The following USP6NL variants were observed in gnomAD, a reference collection of about 807,000 sequenced individuals.
USP6NL encodes the protein USP6 N-terminal-like protein.
USP6NL carries 26 observed loss-of-function variants against 61.9 expected under a neutral mutation model. The ratio of observed to expected loss-of-function variants is 0.42; its 90% CI spans 0.31 to 0.58. The LOEUF (loss-of-function observed/expected upper bound fraction) is 0.58, where lower values mean the gene tolerates loss of function less well. USP6NL is among the 20% of genes least tolerant of loss of function. The pLI is 0.16. For synonymous variants in USP6NL, 432 were observed against 390.1 expected (o/e 1.11, Z -1.27); for missense variants, 1,114 against 1,034.3 (o/e 1.08, Z -1.06).
At chr10:11,601,996 A>G (rs927406303) in intron 1 of USP6NL, among the ~76,000 whole-genome samples, 3 of 152,220 alleles carry the variant, frequency 2.0e-5, no homozygotes, top group South Asian at 4.1e-4. Context: ...AAAGAAAGAA[A>G]AAAAAAGAAG....
In USP6NL at chr10:11,596,907, A is replaced by G. The variant is rs982012346; in HGVS notation, c.4+724T>C. 1.3e-5 allele frequency among the ~76,000 whole-genome samples: 2 copies of G among 152,126 alleles called. No homozygotes were observed. Among genetic ancestry groups the G allele is most frequent in the Non-Finnish European group, 2.9e-5 (2 of 68,018 alleles). On this transcript the variant is annotated intron_variant, in intron 2 of 14. Transcript: ENST00000609104. This position sits in a 1 kb window ranked among gnomAD's most constrained non-coding sequence, Gnocchi z 4.1. ...ACAAATACTATGTGAAAAACATTTA[A>G]ACTCTAATATCATCTTCCAATAAGA... is the stretch of plus-strand genomic sequence containing the variant.
rs1837921725 is a variant in USP6NL, at chr10:11,585,226, T to C, written c.4+12405A>G. 6.6e-6 allele frequency among the ~76,000 whole-genome samples: 1 copy of C among 152,098 alleles called. No homozygotes were observed. Among genetic ancestry groups the C allele is most frequent in the African/African-American group, 2.4e-5 (1 of 41,400 alleles). On this transcript the variant is annotated intron_variant, in intron 2 of 14. Transcript: ENST00000609104. The surrounding 1 kb of genome is among the most constrained non-coding windows in gnomAD (Gnocchi z 4.5). ...GAAAATAATAAGGGCTAGGAGGATA[T>C]GGAGAAAATGGAATCCTTGAGCAAT... is the stretch of plus-strand genomic sequence containing the variant.
chr10:11,490,867 A>G lies in USP6NL; in HGVS notation c.508T>C (p.Phe170Leu). 4 of 1,545,162 alleles carry G rather than the reference A, an allele frequency of 2.6e-6. No individual in the cohort carries two copies. Among genetic ancestry groups the G allele is most frequent in the East Asian group, 4.9e-5 (2 of 41,144 alleles). The change falls in exon 9 of 15, where the codon TTC becomes CTC. Residue 170 changes from phenylalanine (F) to leucine (L), a missense_variant. Coordinates refer to ENST00000609104, the MANE Select transcript of USP6NL (RefSeq NM_014688.5). The surrounding 1 kb of genome is among the most constrained non-coding windows in gnomAD (Gnocchi z 4.5). ...ATAGAATAGGCAGCAAGCACATGGA[A>G]TAAGGATTGTTGCCTAGAGAAAAAA... ...DRYGVKQQSLFHVLAAYSIYN... is the reference protein window; with the variant it reads ...DRYGVKQQSLLHVLAAYSIYN...
At chr10:11,506,326 A>G (rs1379598605) in intron 6 of USP6NL, among the ~76,000 whole-genome samples, 6 of 152,182 alleles carry the variant, frequency 3.9e-5, no homozygotes, top group African/African-American at 1.4e-4. Context: ...TAACAGAGAT[A>G]ACTTCACTTC....
At chr10:11,486,494 T>C (rs1280469644) in intron 10 of USP6NL, among the ~76,000 whole-genome samples, 1 of 152,186 alleles carries the variant, frequency 6.6e-6, no homozygotes, top group Non-Finnish European at 1.5e-5. Context: ...ATAATCTATA[T>C]CTAAGAAGTA....
intron 2 of USP6NL, among the ~76,000 whole-genome samples, chr10:11,593,800 T>C (rs924155348): frequency 6.6e-6 from 1 of 152,200 alleles, no homozygotes; most frequent in Non-Finnish European, 1.5e-5. Context: ...CACGCCTAGC[T>C]GCCTGGGCTG....
chr10:11,608,291 T>G (rs543410969), intron 1 of USP6NL, among the ~76,000 whole-genome samples: 1 of 152,300 alleles, frequency 6.6e-6, no homozygotes, highest in East Asian at 1.9e-4. Flanking sequence ...CACTCCCAGG[T>G]CTGGTATGGA....
rs537227016 is a variant in USP6NL at position 11,528,741 on chromosome 10, C to T, written c.5-1174G>A. Among the ~76,000 whole-genome samples the T allele has an allele frequency of 6.6e-6, 1 of 152,210 alleles. No homozygotes were observed. Among genetic ancestry groups the T allele is most frequent in the South Asian group, 2.1e-4 (1 of 4,816 alleles). On this transcript the variant is annotated intron_variant, in intron 2 of 14. Coordinates refer to ENST00000609104, the MANE Select transcript of USP6NL (RefSeq NM_014688.5). This position sits in a 1 kb window ranked among gnomAD's most constrained non-coding sequence, Gnocchi z 4.6. ...CTTTTACCTCCATTTCCCCTAAAAC[C>T]CCACTAAAATAGCAACTATAGGGAT...
intron 7 of USP6NL, among the ~76,000 whole-genome samples, chr10:11,493,465 CCTGT>C (rs1299074797): frequency 7.9e-5 from 12 of 152,192 alleles, no homozygotes; most frequent in African/African-American, 2.7e-4. Context: ...TCTCTTCCAT[CCTGT>C]CTATCTAGTT....
intron 6 of USP6NL, among the ~76,000 whole-genome samples, chr10:11,509,282 T>C (rs1455962200): frequency 6.6e-6 from 1 of 152,156 alleles, no homozygotes; most frequent in Non-Finnish European, 1.5e-5. Context: ...GGGCTGACAG[T>C]GCAGAAGGCA....
At chr10:11,558,371 C>T (rs546184245) in intron 2 of USP6NL, among the ~76,000 whole-genome samples, 160 of 152,322 alleles carry the variant, frequency 1.1e-3, no homozygotes, top group Non-Finnish European at 1.8e-3. Context: ...TTTTTCTCCT[C>T]GTCCTCAACA....
At position 11,463,755 on chromosome 10, in the gene USP6NL, G is replaced by T. The variant is rs772326982; in HGVS notation, c.1173C>A (p.Ser391Arg). ...GVHHLSNGQR[S>R]VGRPSPLASG... ...TGGCCAGCGGGCTCGGCCGGCCCAC[G>T]CTCCTCTGTCCGTTGCTCAAGTGAT... Residue 391 changes from serine to arginine, a missense_variant, in exon 15 of 15, where the codon AGC becomes AGA. Transcript: ENST00000609104. The surrounding 1 kb of genome is among the most constrained non-coding windows in gnomAD (Gnocchi z 6.3). The T allele has an allele frequency of 4.6e-5, 73 of 1,583,480 alleles. No homozygotes were observed. In the East Asian group the frequency reaches 1.6e-3, roughly 34 times the overall value.
chr10:11,534,889 C>T (rs184809796), intron 2 of USP6NL, among the ~76,000 whole-genome samples: 9 of 152,312 alleles, frequency 5.9e-5, no homozygotes, highest in Non-Finnish European at 1.2e-4. Context: ...CTGATCTGCA[C>T]ACACACTCCC....
In USP6NL at chr10:11,485,716, A is replaced by G; in HGVS notation, c.759+101T>C. ...CTGCATAGTAAATGAAATGGATGACACTATAAATTAATAAGGTAATTGGAC... is the reference window on the plus strand; with the variant it reads ...CTGCATAGTAAATGAAATGGATGACGCTATAAATTAATAAGGTAATTGGAC... On this transcript the variant is annotated intron_variant, in intron 11 of 14. Coordinates refer to ENST00000609104, the MANE Select transcript of USP6NL (RefSeq NM_014688.5). This position sits in a 1 kb window ranked among gnomAD's most constrained non-coding sequence, Gnocchi z 4.8. The G allele has an allele frequency of 1.4e-6, 1 of 732,458 alleles. No homozygotes were observed. Among genetic ancestry groups the G allele is most frequent in the Non-Finnish European group, 2.2e-6 (1 of 446,960 alleles). The allele number at this position is 732,458 out of a possible 1,614,324, so 45.4% of individuals were successfully genotyped here. A position where few individuals can be genotyped will look rare whatever the true frequency, so the allele number is the denominator to read the frequency against.
Position 11,589,233 on chromosome 10 carries a change from T to C in USP6NL, c.4+8398A>G, listed in dbSNP as rs2133635784. On this transcript the variant is annotated intron_variant, in intron 2 of 14. Transcript: ENST00000609104. The surrounding 1 kb of genome is among the most constrained non-coding windows in gnomAD (Gnocchi z 4.7). The stretch of plus-strand genomic sequence containing the variant: ...ATACATCCTACTAGTCACATTATAG[T>C]GGTCTGAATTAACCACTTAGCATGT... Among the ~76,000 whole-genome samples, 1 of 152,344 alleles carries C rather than the reference T, an allele frequency of 6.6e-6. No homozygotes were observed. Among genetic ancestry groups the C allele is most frequent in the Middle Eastern group, 3.4e-3 (1 of 294 alleles).
rs1388174442 is a variant in USP6NL, at chr10:11,575,821, G to A, written c.4+21810C>T. On this transcript the variant is annotated intron_variant, in intron 2 of 14. Coordinates refer to ENST00000609104, the MANE Select transcript of USP6NL (RefSeq NM_014688.5). This position sits in a 1 kb window ranked among gnomAD's most constrained non-coding sequence, Gnocchi z 4.2. ...GCCAAAGTCATAGAAGACAAAGACA[G>A]ACTGAGAAAGTGTTACAGATTAATC... is the stretch of plus-strand genomic sequence containing the variant. 2.6e-5 allele frequency among the ~76,000 whole-genome samples: 4 copies of A among 152,194 alleles called. No homozygotes were observed. The highest frequency in any genetic ancestry group is 5.9e-5 in the Non-Finnish European group (4 of 68,030).
chr10:11,529,995 G>T (rs1303089586), intron 2 of USP6NL, among the ~76,000 whole-genome samples: 1 of 151,552 alleles, frequency 6.6e-6, no homozygotes, highest in South Asian at 2.1e-4. Context: ...CAGCTTAGTC[G>T]GGAGGCTGAA....
chr10:11,579,847 C>CT (rs1837681015), intron 2 of USP6NL, among the ~76,000 whole-genome samples: 1 of 151,608 alleles, frequency 6.6e-6, no homozygotes, highest in South Asian at 2.1e-4. Context: ...CATGTGGTCA[C>CT]TGTTGTAACT....
At chr10:11,569,387 C>T (rs997814063) in intron 2 of USP6NL, among the ~76,000 whole-genome samples, 4 of 152,006 alleles carry the variant, frequency 2.6e-5, no homozygotes, top group African/African-American at 7.3e-5. Context: ...GAAGTAGAAA[C>T]GTTCAGTAAG....
Sources: gnomAD v4.1 joint callset for allele counts (sites outside exome capture counted in the v4.1 genomes callset) on GRCh38, gnomAD v4.1.1 for gene constraint, Gnocchi (gnomAD v3.1) non-coding constraint, MANE v1.5 for transcripts, NCBI Gene and HGNC (gene_info 2026-07-23, HGNC 2026-07-21) for gene names.